CHRNA7: variants seen among roughly 807,000 people sequenced by gnomAD.
The protein encoded by CHRNA7 is neuronal acetylcholine receptor subunit alpha-7.
A neutral mutation model predicts 48.0 loss-of-function variants in CHRNA7; 17 were observed. The observed-to-expected ratio is 0.35, with a 90% confidence interval of 0.24 to 0.53. The LOEUF is 0.53. CHRNA7 is among the 20% of genes least tolerant of loss of function. The pLI, the probability that CHRNA7 is intolerant of heterozygous loss-of-function variation, is 0.92. For synonymous variants in CHRNA7, 75 were observed against 242.3 expected (o/e 0.31, Z 6.41); for missense variants, 155 against 577.7 (o/e 0.27, Z 7.50).
chr15:32,091,279 T>C (rs972550051), intron 2 of CHRNA7, among the ~76,000 whole-genome samples: 1 of 152,206 alleles, frequency 6.6e-6, no homozygotes, highest in Admixed American at 6.5e-5. Flanking sequence ...TTATACTTTA[T>C]GTATTTTGTA....
At chr15:32,049,473 G>T (rs1055196535) in intron 2 of CHRNA7, among the ~76,000 whole-genome samples, 1 of 152,094 alleles carries the variant, frequency 6.6e-6, no homozygotes, top group East Asian at 1.9e-4. Flanking sequence ...TGCAACCCCT[G>T]CCCTTTTTTG....
chr15:32,065,340 A>C (rs1291857842), intron 2 of CHRNA7, among the ~76,000 whole-genome samples: 1 of 152,188 alleles, frequency 6.6e-6, no homozygotes, highest in Non-Finnish European at 1.5e-5. Context: ...GAGAATTGTC[A>C]GTATTTGGTC....
chr15:32,158,289 C>CTTT (rs768184804), intron 6 of CHRNA7, 123 bp from the exon 7 acceptor site: 502 of 523,320 alleles, frequency 9.6e-4, no homozygotes, highest in East Asian at 2.0e-3. Context: ...CAACCCCCCC[C>CTTT]TTTTTTTTTT....
chr15:32,095,624 AT>A (rs2141251708), intron 2 of CHRNA7, among the ~76,000 whole-genome samples: 1 of 152,228 alleles, frequency 6.6e-6, no homozygotes, highest in Non-Finnish European at 1.5e-5. Flanking sequence ...GCTGGTCCCT[AT>A]GTCCTGTAGC....
chr15:32,050,037 C>T (rs1388556052), intron 2 of CHRNA7, among the ~76,000 whole-genome samples: 1 of 152,214 alleles, frequency 6.6e-6, no homozygotes, highest in African/African-American at 2.4e-5. Context: ...ATGGGTTTCC[C>T]TTTGTGGGTA....
intron 2 of CHRNA7, among the ~76,000 whole-genome samples, chr15:32,064,266 CTTCT>C (rs895281486): frequency 9.2e-5 from 14 of 152,126 alleles, no homozygotes; most frequent in African/African-American, 3.1e-4. Flanking sequence ...CCTTCCCCTT[CTTCT>C]TTCTTTCTTC....
chr15:32,141,568 TC>T (rs1184763848), intron 4 of CHRNA7, among the ~76,000 whole-genome samples: 1 of 152,250 alleles, frequency 6.6e-6, no homozygotes, highest in African/African-American at 2.4e-5. Context: ...GGAATGCTCT[TC>T]CATTTGTTTG....
intron 3 of CHRNA7, 61 bp downstream of exon 3, chr15:32,101,408 G>T: frequency 6.6e-7 from 1 of 1,510,886 alleles, no homozygotes; most frequent in Non-Finnish European, 8.9e-7. Flanking sequence ...CAAGATTCTT[G>T]TTCTGATACC....
At chr15:32,147,785 A>G (rs1055731397) in intron 4 of CHRNA7, among the ~76,000 whole-genome samples, 3 of 152,124 alleles carry the variant, frequency 2.0e-5, no homozygotes, top group African/African-American at 7.2e-5. Context: ...ACATTTTAGA[A>G]TAAAATATAG....
intron 2 of CHRNA7, among the ~76,000 whole-genome samples, chr15:32,051,315 C>T (rs1486553374): frequency 1.3e-5 from 2 of 152,166 alleles, no homozygotes; most frequent in Non-Finnish European, 2.9e-5. Flanking sequence ...GTTGGAGCTT[C>T]CTGGCTGCTT....
intron 2 of CHRNA7, among the ~76,000 whole-genome samples, chr15:32,077,053 T>G (rs1288952394): frequency 1.3e-5 from 2 of 152,196 alleles, no homozygotes; most frequent in African/African-American, 2.4e-5. Context: ...ATACAGAATG[T>G]AGCCTTTTCA....
intron 2 of CHRNA7, among the ~76,000 whole-genome samples, chr15:32,097,129 G>C (rs963170696): frequency 6.6e-6 from 1 of 152,164 alleles, no homozygotes; most frequent in Non-Finnish European, 1.5e-5. Flanking sequence ...CCCTGTTTCG[G>C]AGGAGAGAAC....
chr15:32,142,129 A>G (rs140469872), intron 4 of CHRNA7, among the ~76,000 whole-genome samples: 3,553 of 152,286 alleles, frequency 0.023, 142 homozygotes, highest in African/African-American at 0.081. Flanking sequence ...TTTAGCATGA[A>G]GGGCTGTTGA....
intron 2 of CHRNA7, among the ~76,000 whole-genome samples, chr15:32,054,045 T>A (rs1555374686): frequency 6.6e-6 from 1 of 152,248 alleles, no homozygotes; most frequent in Non-Finnish European, 1.5e-5. Flanking sequence ...CCATGGTGTC[T>A]ATACTCTGGG....
intron 4 of CHRNA7, among the ~76,000 whole-genome samples, chr15:32,115,421 C>G (rs897494329): frequency 7.2e-5 from 11 of 152,054 alleles, no homozygotes; most frequent in Admixed American, 5.9e-4. Context: ...TCTCTGCCCC[C>G]CCTTGCTGGC....
At chr15:32,034,999 G>A (rs1371275341) in intron 2 of CHRNA7, among the ~76,000 whole-genome samples, 1 of 152,214 alleles carries the variant, frequency 6.6e-6, no homozygotes, top group Non-Finnish European at 1.5e-5. Flanking sequence ...GGAATGTGGA[G>A]AAGGGGGCAG....
intron 3 of CHRNA7, among the ~76,000 whole-genome samples, chr15:32,107,798 G>T (rs1330146191): frequency 6.6e-6 from 1 of 152,082 alleles, no homozygotes; most frequent in Non-Finnish European, 1.5e-5. Flanking sequence ...AGCTGTGAGT[G>T]CAATGGGCAG....
At chr15:32,101,199 CACA>C (rs1003839401) in intron 2 of CHRNA7, 101 bp from the exon 3 acceptor site, 2 of 1,241,252 alleles carry the variant, frequency 1.6e-6, no homozygotes, top group East Asian at 2.4e-5. Flanking sequence ...AATTTCCACA[CACA>C]ACAACGCTCT....
intron 2 of CHRNA7, among the ~76,000 whole-genome samples, chr15:32,050,697 C>T (rs1437405209): frequency 6.6e-6 from 1 of 152,204 alleles, no homozygotes; most frequent in Admixed American, 6.5e-5. Context: ...GAGGAACTGC[C>T]TTCCTTTGTA....
Sources: gnomAD v4.1 joint callset for allele counts (sites outside exome capture counted in the v4.1 genomes callset) on GRCh38, gnomAD v4.1.1 for gene constraint, MANE v1.5 for transcripts, NCBI Gene and HGNC (gene_info 2026-07-23, HGNC 2026-07-21) for gene names.